Variants in CSMD1 observed in about 807,000 individuals in gnomAD.
CSMD1 encodes the protein CUB and Sushi multiple domains 1.
CSMD1 carries 213 observed loss-of-function variants against 417.5 expected under a neutral mutation model. The ratio of observed to expected loss-of-function variants is 0.51; its 90% CI spans 0.46 to 0.57. CSMD1 has a LOEUF of 0.57. Ranked by LOEUF, CSMD1 falls within the 20% of genes least tolerant of loss-of-function variation. The pLI is 0.00. For missense variants in CSMD1, 6,923 were observed against 4,529.7 expected (o/e 1.53, Z -15.17); for synonymous variants, 2,862 against 1,736.8 (o/e 1.65, Z -16.11).
At chr8:3,427,916 G>A (rs149144285) in intron 12 of CSMD1, among the ~76,000 whole-genome samples, 1 of 152,300 alleles carries the variant, frequency 6.6e-6, no homozygotes, top group African/African-American at 2.4e-5. Context: ...ATAATTCACA[G>A]GGCTGACAAG....
At chr8:4,170,412 G>A (rs1797705725) in intron 3 of CSMD1, among the ~76,000 whole-genome samples, 1 of 151,918 alleles carries the variant, frequency 6.6e-6, no homozygotes, top group Non-Finnish European at 1.5e-5. Context: ...GCATATGCAT[G>A]TATACCTTGA....
chr8:4,713,349 T>C (rs747521922), intron 1 of CSMD1, among the ~76,000 whole-genome samples: 1 of 151,776 alleles, frequency 6.6e-6, no homozygotes, highest in Non-Finnish European at 1.5e-5. Context: ...CCATAGCTTT[T>C]ATCTTTTTAT....
At chr8:3,477,129 T>A (rs796425238) in intron 11 of CSMD1, among the ~76,000 whole-genome samples, 2 of 152,190 alleles carry the variant, frequency 1.3e-5, no homozygotes. Flanking sequence ...AAAAATAATT[T>A]GTTCAGACCT....
chr8:4,790,662 C>T (rs901425903), intron 1 of CSMD1, among the ~76,000 whole-genome samples: 11 of 152,096 alleles, frequency 7.2e-5, no homozygotes, highest in African/African-American at 2.7e-4. Flanking sequence ...GGTTACAGAA[C>T]CCAGAAATAA....
At chr8:4,739,181 C>T (rs888906635) in intron 1 of CSMD1, among the ~76,000 whole-genome samples, 1 of 152,124 alleles carries the variant, frequency 6.6e-6, no homozygotes. Flanking sequence ...TTTTAGATCC[C>T]GTGTATTTGT....
intron 29 of CSMD1, among the ~76,000 whole-genome samples, chr8:3,217,265 T>G (rs1403899935): frequency 6.6e-6 from 1 of 152,262 alleles, no homozygotes; most frequent in East Asian, 1.9e-4. Context: ...GTGATTTTTA[T>G]TTTTCACAGA....
intron 4 of CSMD1, among the ~76,000 whole-genome samples, chr8:4,020,525 G>C (rs894818412): frequency 2.6e-5 from 4 of 152,264 alleles, no homozygotes; most frequent in African/African-American, 9.6e-5. Context: ...TTTCTGGATG[G>C]GTGAACATCT....
At chr8:4,069,291 A>G (rs974636846) in intron 3 of CSMD1, among the ~76,000 whole-genome samples, 8 of 152,164 alleles carry the variant, frequency 5.3e-5, no homozygotes, top group African/African-American at 1.9e-4. Flanking sequence ...GGAGGTCATT[A>G]TTTTTTGACC....
chr8:4,837,741 A>C (rs973369960), intron 1 of CSMD1, among the ~76,000 whole-genome samples: 1 of 152,186 alleles, frequency 6.6e-6, no homozygotes, highest in Non-Finnish European at 1.5e-5. Context: ...ACATTTAAAA[A>C]TAACAAAGAG....
At chr8:3,305,417 G>GTGGGAGCCCTTATGAGGTGATTA in intron 25 of CSMD1, among the ~76,000 whole-genome samples, 2 of 151,664 alleles carry the variant, frequency 1.3e-5, no homozygotes, top group Non-Finnish European at 3.0e-5. Flanking sequence ...CATATTGAAA[G>GTGGGAGCCCTTATGAGGTGATTA]TGGGAGCCCT....
chr8:4,483,933 T>A (rs1801234022), intron 2 of CSMD1, among the ~76,000 whole-genome samples: 1 of 152,190 alleles, frequency 6.6e-6, no homozygotes, highest in South Asian at 2.1e-4. Flanking sequence ...CTCACTTTGT[T>A]GTATAATGTC....
chr8:2,973,365 C>G lies in CSMD1; in HGVS notation c.8741-66G>C, dbSNP rs972055504. The G allele has an allele frequency of 7.5e-6, 11 of 1,465,544 alleles. No homozygotes were observed. The African/African-American group carries it at 1.3e-4, about 17-fold the overall frequency. The allele number at this position is 1,465,544 out of a possible 1,614,324, so 90.8% of individuals were successfully genotyped here. A position where few individuals can be genotyped will look rare whatever the true frequency, so the allele number is the denominator to read the frequency against. ...AGACTTGTTTTAAGCAGAGTTGTCA[C>G]ACTTAAAGATAATGAAAAGTTGTTG... On this transcript the variant is annotated intron_variant, in intron 56 of 69. Coordinates refer to ENST00000635120, the MANE Select transcript of CSMD1 (RefSeq NM_033225.6).
intron 17 of CSMD1, among the ~76,000 whole-genome samples, 154 bp from the exon 18 acceptor site, chr8:3,387,836 T>C (rs1410356374): frequency 6.6e-6 from 1 of 152,190 alleles, no homozygotes; most frequent in Non-Finnish European, 1.5e-5. Flanking sequence ...TAAAAGCCAA[T>C]GCATCTTCAA....
Position 3,674,367 on chromosome 8 carries a change from C to T in CSMD1, c.1009+34047G>A, listed in dbSNP as rs552549953. Among the ~76,000 whole-genome samples, 38 of 152,104 alleles carry T rather than the reference C, an allele frequency of 2.5e-4. 2 individuals are homozygous for T. The highest frequency in any genetic ancestry group is 8.2e-4 in the African/African-American group (34 of 41,468). ...TCTGAAGATTAACAAATTATCATCA[C>T]GAGCTAAGTAGAAGCCATAATTTCC... is the stretch of plus-strand genomic sequence containing the variant. On this transcript the variant is annotated intron_variant, in intron 7 of 69. Transcript: ENST00000635120.
At chr8:3,078,372 G>A (rs545407112) in intron 49 of CSMD1, among the ~76,000 whole-genome samples, 15 of 152,304 alleles carry the variant, frequency 9.8e-5, no homozygotes, top group African/African-American at 2.2e-4. Flanking sequence ...GAGGAAATGC[G>A]TTATTTAATT....
intron 4 of CSMD1, among the ~76,000 whole-genome samples, chr8:4,019,686 G>A (rs1001072221): frequency 1.3e-5 from 2 of 152,142 alleles, no homozygotes; most frequent in Non-Finnish European, 2.9e-5. Context: ...AGATAATGCT[G>A]CTCCTGCTTT....
chr8:4,023,359 G>A (rs1176971314), intron 4 of CSMD1, among the ~76,000 whole-genome samples: 1 of 152,138 alleles, frequency 6.6e-6, no homozygotes. Flanking sequence ...AATGAAACAA[G>A]CAGAACAACA....
intron 5 of CSMD1, among the ~76,000 whole-genome samples, chr8:3,885,864 G>T (rs894136727): frequency 1.3e-5 from 2 of 152,022 alleles, no homozygotes; most frequent in Non-Finnish European, 2.9e-5. Flanking sequence ...AAAACAATTT[G>T]CTCTTTTGCT....
chr8:3,940,998 A>G (rs1278509581), intron 5 of CSMD1, among the ~76,000 whole-genome samples: 1 of 151,974 alleles, frequency 6.6e-6, no homozygotes, highest in African/African-American at 2.4e-5. Flanking sequence ...TTTTGGAGGC[A>G]TAATAGATGT....
Sources: gnomAD v4.1 joint callset for allele counts (sites outside exome capture counted in the v4.1 genomes callset) on GRCh38, gnomAD v4.1.1 for gene constraint, MANE v1.5 for transcripts, NCBI Gene and HGNC (gene_info 2026-07-23, HGNC 2026-07-21) for gene names.